Variants in GRM8 observed in about 807,000 individuals in gnomAD.
GRM8 encodes the protein metabotropic glutamate receptor 8.
Under a neutral mutation model 87.2 loss-of-function variants are expected in GRM8, and 47 were observed. The ratio of observed to expected loss-of-function variants is 0.54; its 90% CI spans 0.43 to 0.69. The LOEUF is 0.69. Ranked by LOEUF, GRM8 falls within the 30% of genes least tolerant of loss-of-function variation. The pLI, the probability that GRM8 is intolerant of heterozygous loss-of-function variation, is 0.00. For missense variants in GRM8, 1,019 were observed against 1,139.2 expected, an observed-to-expected ratio of 0.89 and a Z score of 1.52; for synonymous variants, 396 against 404.5, an observed-to-expected ratio of 0.98 and a Z score of 0.25.
intron 3 of GRM8, among the ~76,000 whole-genome samples, chr7:126,952,386 G>T (rs1808256975): frequency 6.6e-6 from 1 of 151,524 alleles, no homozygotes; most frequent in South Asian, 2.1e-4. Context: ...GAAGGAAGTG[G>T]AAAATCACCA....
At chr7:126,596,700 A>G (rs1225622206) in intron 8 of GRM8, among the ~76,000 whole-genome samples, 2 of 152,182 alleles carry the variant, frequency 1.3e-5, no homozygotes, top group Admixed American at 1.3e-4. Flanking sequence ...TTAACAAAAT[A>G]GCAGAGAGCT....
At chr7:126,572,784 G>A (rs1794791984) in intron 8 of GRM8, among the ~76,000 whole-genome samples, 1 of 152,146 alleles carries the variant, frequency 6.6e-6, no homozygotes, top group Admixed American at 6.5e-5. Flanking sequence ...AGAGAAAGGA[G>A]AGAAAGAGGG....
chr7:127,043,723 CCTGCACGTT>C (rs1818655311), intron 3 of GRM8, among the ~76,000 whole-genome samples: 3 of 152,136 alleles, frequency 2.0e-5, no homozygotes, highest in Non-Finnish European at 4.4e-5. Context: ...ATGTAACAAA[CCTGCACGTT>C]GTGCACATGT....
At chr7:127,235,724 A>C (rs1036890639) in intron 2 of GRM8, among the ~76,000 whole-genome samples, 3 of 152,200 alleles carry the variant, frequency 2.0e-5, no homozygotes, top group Non-Finnish European at 4.4e-5. Context: ...AGGGCTCTAC[A>C]CCAACCAATT....
At position 126,917,654 on chromosome 7, in the gene GRM8, C is replaced by T. The variant is rs186644606; in HGVS notation, c.728-12971G>A. 8.3e-4 allele frequency among the ~76,000 whole-genome samples: 127 copies of T among 152,220 alleles called. 2 individuals carry two copies. Among genetic ancestry groups the T allele is most frequent in the African/African-American group, 2.9e-3 (119 of 41,540 alleles). On this transcript the variant is annotated intron_variant, in intron 3 of 10. Coordinates refer to ENST00000339582, the MANE Select transcript of GRM8 (RefSeq NM_000845.3). ...GGAGTCAAATGCAAACCTTGTCAAC[C>T]TAATCCTAATAGCAAATAATTACTG...
intron 3 of GRM8, among the ~76,000 whole-genome samples, chr7:127,023,934 G>A (rs978873): frequency 6.8e-4 from 104 of 152,128 alleles, no homozygotes; most frequent in Non-Finnish European, 1.2e-3. Context: ...TAATTTTTCT[G>A]AGATGTATTC....
chr7:126,836,060 T>C (rs1795803817), intron 6 of GRM8, among the ~76,000 whole-genome samples: 1 of 152,196 alleles, frequency 6.6e-6, no homozygotes, highest in Non-Finnish European at 1.5e-5. Flanking sequence ...ATCAAAAGCA[T>C]CATGCAACCA....
chr7:126,889,633 T>C (rs1055790773), intron 6 of GRM8, among the ~76,000 whole-genome samples: 7 of 152,154 alleles, frequency 4.6e-5, no homozygotes, highest in Non-Finnish European at 1.0e-4. Flanking sequence ...GAAATATATC[T>C]GAATGAAATG....
chr7:126,681,077 A>AAGT (rs1201543401), intron 7 of GRM8, among the ~76,000 whole-genome samples: 1 of 152,222 alleles, frequency 6.6e-6, no homozygotes, highest in Non-Finnish European at 1.5e-5. Flanking sequence ...AAAGAACAGT[A>AAGT]AGTAGGTAGA....
intron 6 of GRM8, among the ~76,000 whole-genome samples, chr7:126,873,891 T>C (rs575422722): frequency 1.1e-4 from 16 of 152,248 alleles, no homozygotes; most frequent in African/African-American, 3.1e-4. Flanking sequence ...GACATTCAAT[T>C]GTTTTTTAAA....
chr7:126,698,107 C>G (rs1809568121), intron 7 of GRM8, among the ~76,000 whole-genome samples: 1 of 152,146 alleles, frequency 6.6e-6, no homozygotes, highest in African/African-American at 2.4e-5. Context: ...CCCCTGAGAA[C>G]TACTCTTAAA....
rs2302165 is a variant in GRM8, at chr7:126,446,343, G to A, written c.2460C>T (p.Val820=). The A allele has an allele frequency of 1.5e-4, 245 of 1,608,868 alleles. 4 individuals carry two copies. In the East Asian group the frequency reaches 5.4e-3, roughly 36 times the overall value. Residue 820 remains valine, a synonymous_variant, in exon 10 of 11, where the codon GTC becomes GTT. Coordinates refer to ENST00000339582, the MANE Select transcript of GRM8 (RefSeq NM_000845.3). ...ATACTGAAGCACTTAAACTCATGGA[G>A]ACAGTAAGTGTTGTTGTCTGGATGT... ...KMYIQTTTLT[V]SMSLSASVSL...
intron 6 of GRM8, among the ~76,000 whole-genome samples, chr7:126,852,303 G>A (rs988462574): frequency 2.6e-5 from 4 of 152,130 alleles, no homozygotes; most frequent in Admixed American, 1.3e-4. Flanking sequence ...AGACAGCAGC[G>A]CCTGACATGT....
chr7:127,091,364 A>C, intron 3 of GRM8, among the ~76,000 whole-genome samples: 2 of 98,698 alleles, frequency 2.0e-5, no homozygotes, highest in Admixed American at 2.3e-4. Flanking sequence ...CAACCATCCC[A>C]CTGATCATCC....
chr7:126,802,961 A>G (rs1311066858), intron 6 of GRM8, among the ~76,000 whole-genome samples: 1 of 152,200 alleles, frequency 6.6e-6, no homozygotes, highest in Non-Finnish European at 1.5e-5. Context: ...AACCTGGTGA[A>G]CAGGCATAAA....
intron 2 of GRM8, among the ~76,000 whole-genome samples, chr7:127,224,604 A>G (rs1436146960): frequency 1.3e-5 from 2 of 152,210 alleles, no homozygotes; most frequent in East Asian, 3.8e-4. Flanking sequence ...GGAAGGAAGA[A>G]AAAAACATGG....
intron 3 of GRM8, among the ~76,000 whole-genome samples, chr7:126,930,986 G>C (rs930128663): frequency 6.6e-6 from 1 of 152,140 alleles, no homozygotes; most frequent in Admixed American, 6.6e-5. Flanking sequence ...GGTGCAGATG[G>C]AGAGATACTT....
chr7:126,551,740 T>TA (rs1792610604), intron 8 of GRM8, among the ~76,000 whole-genome samples: 2 of 152,108 alleles, frequency 1.3e-5, no homozygotes, highest in African/African-American at 2.4e-5. Flanking sequence ...CCATTTATCA[T>TA]AATGCCATTC....
intron 3 of GRM8, chr7:127,084,465 T>C (rs1823245466): frequency 2.0e-5 from 3 of 152,216 alleles, no homozygotes; most frequent in Non-Finnish European, 4.4e-5. Context: ...ATAAACCATG[T>C]TTGTTATTAT....
Sources: allele counts gnomAD v4.1 joint callset (sites outside exome capture counted in the v4.1 genomes callset), GRCh38; gene constraint gnomAD v4.1.1; transcripts MANE v1.5; gene names NCBI Gene and HGNC (gene_info 2026-07-23, HGNC 2026-07-21).